The following BTN3A2 variants were observed in gnomAD, a reference collection of about 807,000 sequenced individuals.
BTN3A2 encodes butyrophilin protein.
BTN3A2 carries 25 observed loss-of-function variants against 37.6 expected under a neutral mutation model. The ratio of observed to expected loss-of-function variants is 0.66; its 90% CI spans 0.48 to 0.93. The LOEUF is 0.93. Ranked by LOEUF, BTN3A2 falls within the 40% of genes least tolerant of loss-of-function variation. The pLI is 0.00. For synonymous variants in BTN3A2, 122 were observed against 159.4 expected (o/e 0.77, Z 1.77); for missense variants, 266 against 410.9 (o/e 0.65, Z 3.05).
At chr6:26,373,358 A>G (rs1247262681) in intron 7 of BTN3A2, 29 bp from the exon 8 acceptor site, 1 of 1,598,350 alleles carries the variant, frequency 6.3e-7, no homozygotes, top group Admixed American at 1.8e-5. Context: ...GAGCACCTTG[A>G]TGACTCTTCC....
rs1759702298 is a variant in BTN3A2 at position 26,368,164 on chromosome 6, C to A, written c.-5-14C>A. 1 of 1,613,186 alleles carries A rather than the reference C, an allele frequency of 6.2e-7. No individual in the cohort carries two copies. The highest frequency in any genetic ancestry group is 8.5e-7 in the Non-Finnish European group (1 of 1,179,266). On this transcript the variant is annotated splice_polypyrimidine_tract_variant and intron_variant, in intron 2 of 10. Coordinates refer to ENST00000377708, the MANE Select transcript of BTN3A2 (RefSeq NM_007047.5). The stretch of plus-strand genomic sequence containing the variant: ...GTGTCTGTCCCACACCTTCTGGTAT[C>A]TCTTGATATGCAGCATAGATGAAAA...
Position 26,367,985 on chromosome 6 carries a change from T to C in BTN3A2, c.-66-5T>C. On this transcript the variant is annotated splice_polypyrimidine_tract_variant and splice_region_variant and intron_variant, in intron 1 of 10. Transcript: ENST00000377708. The stretch of plus-strand genomic sequence containing the variant: ...CTGATCAGATAACAGATATTATTTT[T>C]ACAGATGGTTTTCCATACTGGAACC... The C allele has an allele frequency of 7.5e-7, 1 of 1,333,344 alleles. No homozygotes were observed. The highest frequency in any genetic ancestry group is 1.6e-5 in the South Asian group (1 of 61,794). The allele number at this position is 1,333,344 out of a possible 1,614,324, so 82.6% of individuals were successfully genotyped here.
intron 4 of BTN3A2, 25 bp from the exon 5 acceptor site, chr6:26,370,297 T>A: frequency 6.2e-7 from 1 of 1,611,830 alleles, no homozygotes; most frequent in Non-Finnish European, 8.5e-7. Flanking sequence ...CTATCCAGAA[T>A]TTAGGCCAAA....
intron 5 of BTN3A2, 155 bp from the exon 6 acceptor site, chr6:26,372,742 T>C: frequency 4.8e-6 from 4 of 832,362 alleles, no homozygotes; most frequent in Non-Finnish European, 7.3e-6. Flanking sequence ...GTCTTATCTA[T>C]AGTCCTCTGA....
chr6:26,370,413 C>G lies in BTN3A2; in HGVS notation c.525C>G (p.Pro175=), dbSNP rs140710212. ...GGTCCACCGGCTGGTACCCCCAACC[C>G]CAAATACAGTGGAGCAACGCCAAGG... The part of the protein sequence containing the change: ...ECRSTGWYPQ[P]QIQWSNAKGE... The change falls in exon 5 of 11, where the codon CCC becomes CCG. Residue 175 remains proline (P), a synonymous_variant. Transcript: ENST00000377708. The G allele has an allele frequency of 3.8e-5, 62 of 1,614,186 alleles. No individual in the cohort carries two copies. In the African/African-American group the frequency reaches 7.7e-4, roughly 20 times the overall value.
Position 26,368,740 on chromosome 6 carries a change from C to A in BTN3A2, c.261C>A (p.Asp87Glu), listed in dbSNP as rs1316531654. ...NVYADGKEVE[D>E]RQSAPYRGRT... Reference sequence around the variant, plus strand: ...ATGCAGATGGAAAGGAAGTGGAAGACAGGCAGAGTGCACCGTATCGAGGGA... The same window carrying A: ...ATGCAGATGGAAAGGAAGTGGAAGAAAGGCAGAGTGCACCGTATCGAGGGA... The change falls in exon 4 of 11, where the codon GAC (aspartate) becomes GAA (glutamate). Residue 87 changes from aspartate (D) to glutamate (E), a missense_variant. Asp to Glu is a conservative substitution (Grantham distance 45, BLOSUM62 2). Transcript: ENST00000377708. 6.2e-7 allele frequency: 1 copy of A among 1,613,334 alleles called. No homozygotes were observed. Among genetic ancestry groups the A allele is most frequent in the Non-Finnish European group, 8.5e-7 (1 of 1,179,836 alleles).
At position 26,374,325 on chromosome 6, in the gene BTN3A2, A is replaced by C; in HGVS notation, c.965-2A>C. ...GACACCTCTACCTTTCTTTCATTGT[A>C]GGTGGAGAGGAGTCTTCGTCCGATA... On this transcript the variant is annotated splice_acceptor_variant, in intron 8 of 10. Coordinates refer to ENST00000377708, the MANE Select transcript of BTN3A2 (RefSeq NM_007047.5). LOFTEE classifies it high-confidence loss of function. 1 of 1,588,586 alleles carries C rather than the reference A, an allele frequency of 6.3e-7. No homozygotes were observed.
chr6:26,376,488 A>G lies in BTN3A2; in HGVS notation c.*726A>G. On this transcript the variant is annotated 3_prime_UTR_variant, in exon 11 of 11. Transcript: ENST00000377708. ...CACGGGGTTCTGGAAGGACCTCCTCAGCATGGCCCAAGCCTTGCATGCTGT... is the reference window on the plus strand; with the variant it reads ...CACGGGGTTCTGGAAGGACCTCCTCGGCATGGCCCAAGCCTTGCATGCTGT... 1 of 1,175,970 alleles carries G rather than the reference A, an allele frequency of 8.5e-7. No homozygotes were observed. The highest frequency in any genetic ancestry group is 1.1e-6 in the Non-Finnish European group (1 of 870,286). The allele number at this position is 1,175,970 out of a possible 1,614,324, so 72.8% of individuals were successfully genotyped here.
rs776111960 is a variant in BTN3A2 at position 26,373,371 on chromosome 6, G to A, written c.938-16G>A. ...TTGAGCACCTTGATGACTCTTCCCTGTTCATTCCATTGCAGAGAGGAAAAA... is the reference window on the plus strand; with the variant it reads ...TTGAGCACCTTGATGACTCTTCCCTATTCATTCCATTGCAGAGAGGAAAAA... On this transcript the variant is annotated splice_polypyrimidine_tract_variant and intron_variant, in intron 7 of 10. Coordinates refer to ENST00000377708, the MANE Select transcript of BTN3A2 (RefSeq NM_007047.5). 2 of 1,593,704 alleles carry A rather than the reference G, an allele frequency of 1.3e-6. No homozygotes were observed. Among genetic ancestry groups the A allele is most frequent in the Admixed American group, 1.8e-5 (1 of 54,554 alleles).
intron 8 of BTN3A2, chr6:26,373,811 A>C: frequency 5.2e-6 from 1 of 191,148 alleles, no homozygotes; most frequent in Non-Finnish European, 1.1e-5. Flanking sequence ...GAAATAAGAA[A>C]ATCAGAAAAG....
intron 8 of BTN3A2, 82 bp from the exon 9 acceptor site, chr6:26,374,245 A>C: frequency 2.0e-6 from 1 of 497,602 alleles, no homozygotes; most frequent in Non-Finnish European, 3.6e-6. Flanking sequence ...AAAAAAGACT[A>C]GATGGATGCA....
intron 1 of BTN3A2, among the ~76,000 whole-genome samples, 157 bp downstream of exon 1, chr6:26,365,509 T>C (rs1761975843): frequency 6.6e-6 from 1 of 150,814 alleles, no homozygotes; most frequent in Admixed American, 6.6e-5. Flanking sequence ...TGTGTGTGTG[T>C]GTGTGTGTAC....
rs1217162511 is a variant in BTN3A2 at position 26,373,428 on chromosome 6, C to T, written c.964+15C>T. ...GTACTTGACTCGTGAGTGGCTTTGA[C>T]ATTTTCTCTGAATTCAAATCTGTTA... On this transcript the variant is annotated intron_variant, in intron 8 of 10. Transcript: ENST00000377708. 2 of 1,599,762 alleles carry T rather than the reference C, an allele frequency of 1.3e-6. No individual in the cohort carries two copies. The highest frequency in any genetic ancestry group is 1.1e-5 in the South Asian group (1 of 87,410).
At position 26,368,629 on chromosome 6, in the gene BTN3A2, G is replaced by A. The variant is rs1214360003; in HGVS notation, c.150G>A (p.Leu50=). 14 of 1,613,940 alleles carry A rather than the reference G, an allele frequency of 8.7e-6. No homozygotes were observed. The highest frequency in any genetic ancestry group is 1.1e-5 in the Non-Finnish European group (13 of 1,179,882). ...CCATGGTGGGTGAAGACGCTGATCTGCCCTGTCACCTGTTCCCGACCATGA... is the reference window on the plus strand; with the variant it reads ...CCATGGTGGGTGAAGACGCTGATCTACCCTGTCACCTGTTCCCGACCATGA... ...ILAMVGEDAD[L]PCHLFPTMSA... The change falls in exon 4 of 11, where the codon CTG becomes CTA. Residue 50 remains leucine (L), a synonymous_variant. Coordinates refer to ENST00000377708, the MANE Select transcript of BTN3A2 (RefSeq NM_007047.5).
At chr6:26,370,987 A>T (rs1319097483) in intron 5 of BTN3A2, among the ~76,000 whole-genome samples, 1 of 152,172 alleles carries the variant, frequency 6.6e-6, no homozygotes, top group African/African-American at 2.4e-5. Flanking sequence ...AGTTTTGGCC[A>T]GGCATGGTGG....
At chr6:26,371,411 T>C (rs893282536) in intron 5 of BTN3A2, among the ~76,000 whole-genome samples, 4 of 152,364 alleles carry the variant, frequency 2.6e-5, no homozygotes, top group Admixed American at 2.6e-4. Flanking sequence ...TTTTCACTTA[T>C]GATATTTGCA....
chr6:26,366,330 C>G (rs1402884977), intron 1 of BTN3A2, among the ~76,000 whole-genome samples: 1 of 152,118 alleles, frequency 6.6e-6, no homozygotes, highest in Non-Finnish European at 1.5e-5. Flanking sequence ...TCAACACTAA[C>G]TTTTATAGTT....
At position 26,372,963 on chromosome 6, in the gene BTN3A2, T is replaced by A; in HGVS notation, c.782T>A (p.Leu261Gln). Reference protein sequence around the residue: ...ALAGTLPILLLLLAGASYFLW... With the variant: ...ALAGTLPILLQLLAGASYFLW... ...GCAGGGACCCTGCCTATCTTGCTGC[T>A]GCTTCTCGCCGGAGCCAGTTACTTC... Residue 261 changes from leucine (L) to glutamine (Q), a missense_variant, in exon 6 of 11, where the codon CTG (leucine) becomes CAG (glutamine). Physicochemically the swap from Leu to Gln is moderately radical, Grantham distance 113 (BLOSUM62 -2). Coordinates refer to ENST00000377708, the MANE Select transcript of BTN3A2 (RefSeq NM_007047.5). The A allele has an allele frequency of 6.2e-7, 1 of 1,614,238 alleles. No homozygotes were observed.
chr6:26,374,667 G>A (rs1256086354), intron 9 of BTN3A2, 104 bp from the exon 10 acceptor site: 5 of 1,286,760 alleles, frequency 3.9e-6, no homozygotes, highest in South Asian at 1.3e-5. Flanking sequence ...GACCCTGGAA[G>A]AGACTCTAAA....
Sources: allele counts gnomAD v4.1 joint callset (sites outside exome capture counted in the v4.1 genomes callset), GRCh38; gene constraint gnomAD v4.1.1; transcripts MANE v1.5; gene names NCBI Gene and HGNC (gene_info 2026-07-23, HGNC 2026-07-21).